DOCK1: variants seen among roughly 807,000 people sequenced by gnomAD.
DOCK1 encodes dedicator of cytokinesis protein 1.
A neutral mutation model predicts 262.7 loss-of-function variants in DOCK1; 138 were observed. The ratio of observed to expected loss-of-function variants is 0.53; its 90% CI spans 0.46 to 0.61. The LOEUF (loss-of-function observed/expected upper bound fraction) is 0.61. Among genes scored for constraint, DOCK1 ranks in the 20% least tolerant of loss-of-function variants. The pLI, the probability that DOCK1 is intolerant of heterozygous loss-of-function variation, is 0.00. For synonymous variants in DOCK1, 866 were observed against 867.4 expected, an observed-to-expected ratio of 1.00 and a Z score of 0.03; for missense variants, 1,908 against 2,370.7, an observed-to-expected ratio of 0.80 and a Z score of 4.05.
Position 126,905,472 on chromosome 10 carries a change from T to G in DOCK1, c.-46T>G, listed in dbSNP as rs1183045729. 1.9e-6 allele frequency: 1 copy of G among 513,178 alleles called. No individual in the cohort carries two copies. Among genetic ancestry groups the G allele is most frequent in the Non-Finnish European group, 3.6e-6 (1 of 278,142 alleles). The allele number at this position is 513,178 out of a possible 1,614,324, so 31.8% of individuals were successfully genotyped here. A position where few individuals can be genotyped will look rare whatever the true frequency, so the allele number is the denominator to read the frequency against. On this transcript the variant is annotated 5_prime_UTR_variant, in exon 1 of 52. It removes the in-frame stop codon of an upstream open reading frame in the 5' UTR. Coordinates refer to ENST00000623213, the MANE Select transcript of DOCK1 (RefSeq NM_001290223.2). ...TCGAAAGGAATGGAAAATGGCGGCC[T>G]AGACGCGGAGTTTCCTGCCCGACCC...
At chr10:127,009,287 G>A (rs1323056426) in intron 11 of DOCK1, among the ~76,000 whole-genome samples, 1 of 152,172 alleles carries the variant, frequency 6.6e-6, no homozygotes, top group Non-Finnish European at 1.5e-5. Context: ...TTAGAGTGGA[G>A]CCTATCTGTG....
At chr10:127,110,612 A>C (rs1046027201) in intron 25 of DOCK1, among the ~76,000 whole-genome samples, 2 of 152,216 alleles carry the variant, frequency 1.3e-5, no homozygotes, top group Non-Finnish European at 2.9e-5. Flanking sequence ...GGTAATCAGC[A>C]TACATTGTAG....
chr10:127,419,103 G>A (rs980024427), intron 45 of DOCK1, among the ~76,000 whole-genome samples: 4 of 152,202 alleles, frequency 2.6e-5, no homozygotes, highest in African/African-American at 9.7e-5. Flanking sequence ...GGCGAGTTGA[G>A]TAGTGGCAGC....
At chr10:126,912,301 G>T (rs2031889006) in intron 1 of DOCK1, among the ~76,000 whole-genome samples, 1 of 151,988 alleles carries the variant, frequency 6.6e-6, no homozygotes, top group Non-Finnish European at 1.5e-5. Flanking sequence ...ATGGTGGCGG[G>T]CGCCTGTAAT....
intron 23 of DOCK1, among the ~76,000 whole-genome samples, chr10:127,088,041 T>G (rs1005389168): frequency 6.6e-6 from 1 of 152,220 alleles, no homozygotes. Context: ...AAATCATCTT[T>G]TACAAATGCG....
At position 127,207,261 on chromosome 10, in the gene DOCK1, G is replaced by A. The variant is rs527407606; in HGVS notation, c.2848-40747G>A. ...CCTCCTAAAATCTCCGTGAAACTGG[G>A]CACTGTTATCAGCACCATTGTGAAA... is the stretch of plus-strand genomic sequence containing the variant. On this transcript the variant is annotated intron_variant, in intron 27 of 51. Coordinates refer to ENST00000623213, the MANE Select transcript of DOCK1 (RefSeq NM_001290223.2). 3.3e-5 allele frequency among the ~76,000 whole-genome samples: 5 copies of A among 152,284 alleles called. No homozygotes were observed. The East Asian group carries it at 7.7e-4, about 23-fold the overall frequency.
intron 29 of DOCK1, among the ~76,000 whole-genome samples, chr10:127,312,557 T>G (rs1162352641): frequency 6.6e-6 from 1 of 152,130 alleles, no homozygotes; most frequent in Non-Finnish European, 1.5e-5. Context: ...TGGTGACTGG[T>G]GTGCACTGGG....
chr10:127,101,729 C>T (rs2048262461), intron 23 of DOCK1, among the ~76,000 whole-genome samples: 1 of 152,174 alleles, frequency 6.6e-6, no homozygotes, highest in African/African-American at 2.4e-5. Context: ...CCATAAAGGC[C>T]TGTCTTGTTT....
At chr10:127,036,636 A>G (rs1352333350) in intron 18 of DOCK1, among the ~76,000 whole-genome samples, 1 of 152,150 alleles carries the variant, frequency 6.6e-6, no homozygotes, top group Non-Finnish European at 1.5e-5. Flanking sequence ...GGGTAGGCAT[A>G]TGTACTTTCC....
chr10:127,044,629 A>G (rs2044224159), intron 21 of DOCK1, among the ~76,000 whole-genome samples: 1 of 152,118 alleles, frequency 6.6e-6, no homozygotes, highest in African/African-American at 2.4e-5. Flanking sequence ...CATTTTCAAA[A>G]TTCTGCCTTT....
chr10:127,204,997 A>C (rs1438806156), intron 27 of DOCK1, among the ~76,000 whole-genome samples: 1 of 152,008 alleles, frequency 6.6e-6, no homozygotes, highest in African/African-American at 2.4e-5. Context: ...GCCTTGGGCT[A>C]TCTGAGCTGG....
chr10:127,328,793 G>A lies in DOCK1; in HGVS notation c.3045-10213G>A, dbSNP rs1294306386. On this transcript the variant is annotated intron_variant, in intron 29 of 51. Coordinates refer to ENST00000623213, the MANE Select transcript of DOCK1 (RefSeq NM_001290223.2). ...GGTTAGAGATTCTTATTCCCGGGTT[G>A]TTTTGATTTATTTTTTAATCATGAA... 3.9e-5 allele frequency among the ~76,000 whole-genome samples: 6 copies of A among 152,204 alleles called. No individual in the cohort carries two copies. In the East Asian group the frequency reaches 1.2e-3, roughly 29 times the overall value.
At chr10:127,199,721 T>C (rs540113481) in intron 27 of DOCK1, among the ~76,000 whole-genome samples, 2 of 152,328 alleles carry the variant, frequency 1.3e-5, no homozygotes, top group South Asian at 2.1e-4. Flanking sequence ...ACTTCACTGG[T>C]GCTGGATCAT....
intron 27 of DOCK1, among the ~76,000 whole-genome samples, chr10:127,207,528 A>C (rs116645747): frequency 6.6e-6 from 1 of 152,234 alleles, no homozygotes; most frequent in Non-Finnish European, 1.5e-5. Context: ...AAAATGGGAG[A>C]GTATTCATTC....
intron 27 of DOCK1, among the ~76,000 whole-genome samples, chr10:127,157,956 T>G (rs1238951617): frequency 6.6e-6 from 1 of 152,242 alleles, no homozygotes; most frequent in Admixed American, 6.5e-5. Context: ...AAAATTTTAT[T>G]AAGCACGAGA....
chr10:127,394,630 A>G (rs945981187), intron 38 of DOCK1, among the ~76,000 whole-genome samples: 2 of 152,222 alleles, frequency 1.3e-5, no homozygotes, highest in African/African-American at 4.8e-5. Context: ...TGGCCTGAAT[A>G]TTCAAAGAGA....
At position 127,446,513 on chromosome 10, in the gene DOCK1, T is replaced by C. The variant is rs1375815444; in HGVS notation, c.5414-881T>C. Among the ~76,000 whole-genome samples the C allele has an allele frequency of 6.6e-6, 1 of 152,188 alleles. No individual in the cohort carries two copies. The highest frequency in any genetic ancestry group is 1.5e-5 in the Non-Finnish European group (1 of 68,046). On this transcript the variant is annotated intron_variant, in intron 50 of 51. Coordinates refer to ENST00000623213, the MANE Select transcript of DOCK1 (RefSeq NM_001290223.2). This position sits in a 1 kb window ranked among gnomAD's most constrained non-coding sequence, Gnocchi z 4.4. ...ATAGCAAAGAAGTAGGCAGCAATCA[T>C]GAGGACAGTCACTCACCGAAGCCTT...
At chr10:126,996,325 A>G (rs2040185455) in intron 6 of DOCK1, among the ~76,000 whole-genome samples, 1 of 144,962 alleles carries the variant, frequency 6.9e-6, no homozygotes, top group South Asian at 2.3e-4. Context: ...GGTTGCAGTG[A>G]GCCGAGATCG....
intron 27 of DOCK1, among the ~76,000 whole-genome samples, chr10:127,205,345 T>G (rs1564902146): frequency 6.6e-6 from 1 of 152,236 alleles, no homozygotes. Flanking sequence ...GGAGTGCAGC[T>G]TCTGGCCTGC....
Sources: allele counts gnomAD v4.1 joint callset (sites outside exome capture counted in the v4.1 genomes callset), GRCh38; gene constraint gnomAD v4.1.1; non-coding constraint Gnocchi (gnomAD v3.1); transcripts MANE v1.5; gene names NCBI Gene and HGNC (gene_info 2026-07-23, HGNC 2026-07-21).